Variants in MMS22L observed in about 807,000 individuals in gnomAD.
MMS22L encodes protein MMS22-like.
In MMS22L, 74 loss-of-function variants were observed where a neutral mutation model predicts 159.1. The observed-to-expected ratio is 0.47, with a 90% CI of 0.39 to 0.56. The LOEUF is 0.56. Among genes scored for constraint, MMS22L ranks in the 20% least tolerant of loss-of-function variants. The pLI is 0.00. For synonymous variants in MMS22L, 517 were observed against 506.9 expected, an observed-to-expected ratio of 1.02 and a Z score of -0.27; for missense variants, 1,351 against 1,422.1, an observed-to-expected ratio of 0.95 and a Z score of 0.80.
intron 14 of MMS22L, among the ~76,000 whole-genome samples, chr6:97,227,631 A>C (rs926212494): frequency 6.6e-6 from 1 of 152,248 alleles, no homozygotes; most frequent in African/African-American, 2.4e-5. Flanking sequence ...AAATTTGATA[A>C]TAAATAAATT....
At position 97,229,191 on chromosome 6, in the gene MMS22L, T is replaced by C. The variant is rs1198798177; in HGVS notation, c.1742A>G (p.Tyr581Cys). 6 of 1,614,010 alleles carry C rather than the reference T, an allele frequency of 3.7e-6. No homozygotes were observed. The African/African-American group carries it at 6.7e-5, about 18-fold the overall frequency. ...ACCAATGTCCAGATTTTTCTGGGCATACATCAAGAGGAAGGCCATGTGACC... is the reference window on the plus strand; with the variant it reads ...ACCAATGTCCAGATTTTTCTGGGCACACATCAAGAGGAAGGCCATGTGACC... The part of the protein sequence containing the change: ...WKGHMAFLLM[Y>C]AQKNLDIGVL... Residue 581 changes from tyrosine to cysteine, a missense_variant, in exon 14 of 25, where the codon TAT becomes TGT. By Grantham distance (194) the Tyr-to-Cys change is radical. Coordinates refer to ENST00000683635, the MANE Select transcript of MMS22L (RefSeq NM_001350599.2).
intron 15 of MMS22L, among the ~76,000 whole-genome samples, chr6:97,183,025 A>G (rs984432038): frequency 6.6e-6 from 1 of 152,092 alleles, no homozygotes; most frequent in Non-Finnish European, 1.5e-5. Flanking sequence ...TAATGAATCT[A>G]TCTTCCATTC....
intron 6 of MMS22L, chr6:97,271,552 T>A (rs1333461422): frequency 6.6e-6 from 1 of 152,244 alleles, no homozygotes; most frequent in Non-Finnish European, 1.5e-5. Flanking sequence ...TTGTTTTCTA[T>A]CGATTAGATA....
chr6:97,190,109 A>C (rs574807629), intron 14 of MMS22L, among the ~76,000 whole-genome samples: 1 of 152,222 alleles, frequency 6.6e-6, no homozygotes, highest in Non-Finnish European at 1.5e-5. Context: ...ATTAGATGTG[A>C]CCACTGCATA....
At chr6:97,283,709 A>G (rs990368043), upstream of MMS22L, 2 of 152,218 alleles carry the variant, frequency 1.3e-5, no homozygotes, top group African/African-American at 4.8e-5. Flanking sequence ...GACCTAATTG[A>G]CGTTTATAGG....
chr6:97,246,755 G>T, intron 10 of MMS22L, 65 bp from the exon 11 acceptor site: 1 of 1,155,680 alleles, frequency 8.7e-7, no homozygotes, highest in Non-Finnish European at 1.3e-6. Flanking sequence ...TTAAAATTAG[G>T]GTATAGCAAA....
rs2128228148 is a variant in MMS22L, at chr6:97,143,035, A to G, written c.*3771T>C. 1 of 152,724 alleles carries G rather than the reference A, an allele frequency of 6.5e-6. No individual in the cohort carries two copies. Among genetic ancestry groups the G allele is most frequent in the South Asian group, 2.1e-4 (1 of 4,832 alleles). The allele number at this position is 152,724 out of a possible 1,614,324, so 9.5% of individuals were successfully genotyped here. A position where few individuals can be genotyped will look rare whatever the true frequency, so the allele number is the denominator to read the frequency against. On this transcript the variant is annotated 3_prime_UTR_variant, in exon 25 of 25. Coordinates refer to ENST00000683635, the MANE Select transcript of MMS22L (RefSeq NM_001350599.2). The stretch of plus-strand genomic sequence containing the variant: ...GAACTCAATACTGAATGACTTTTCC[A>G]CAGTCCTCCATGCTTCCTTCCTTGC...
At chr6:97,233,212 G>A (rs189646305) in intron 12 of MMS22L, among the ~76,000 whole-genome samples, 3 of 151,960 alleles carry the variant, frequency 2.0e-5, no homozygotes, top group African/African-American at 2.4e-5. Context: ...TCCTATCTTC[G>A]GTCTCTCCAT....
chr6:97,247,879 G>A (rs35911072), intron 10 of MMS22L, among the ~76,000 whole-genome samples: 12,873 of 152,202 alleles, frequency 0.085, 1,026 homozygotes, highest in African/African-American at 0.21. Flanking sequence ...AAAGCATAAT[G>A]AATTCTCATG....
At chr6:97,184,602 C>T (rs1562431501) in intron 15 of MMS22L, among the ~76,000 whole-genome samples, 1 of 152,090 alleles carries the variant, frequency 6.6e-6, no homozygotes, top group African/African-American at 2.4e-5. Flanking sequence ...CTCTCTTTAT[C>T]TATTTGGTTA....
intron 23 of MMS22L, 46 bp from the exon 24 acceptor site, chr6:97,150,066 C>G: frequency 2.0e-6 from 3 of 1,533,264 alleles, no homozygotes; most frequent in Non-Finnish European, 2.7e-6. Flanking sequence ...GGGGCAATTC[C>G]TTGTGTTGGT....
chr6:97,146,173 A>G lies in MMS22L; in HGVS notation c.*633T>C, dbSNP rs929172214. On this transcript the variant is annotated 3_prime_UTR_variant, in exon 25 of 25. Coordinates refer to ENST00000683635, the MANE Select transcript of MMS22L (RefSeq NM_001350599.2). ...GGCAACTCTTGGAACCTAAATATAAACCCTGTTGGCATGTTTACACTTCTT... is the reference window on the plus strand; with the variant it reads ...GGCAACTCTTGGAACCTAAATATAAGCCCTGTTGGCATGTTTACACTTCTT... 1.3e-5 allele frequency: 2 copies of G among 151,926 alleles called. No homozygotes were observed. The highest frequency in any genetic ancestry group is 3.9e-4 in the East Asian group (2 of 5,182). The allele number at this position is 151,926 out of a possible 1,614,324, so 9.4% of individuals were successfully genotyped here.
intron 17 of MMS22L, 21 bp from the exon 18 acceptor site, chr6:97,178,606 TTGTTA>T (rs1372171772): frequency 7.6e-7 from 1 of 1,316,022 alleles, no homozygotes; most frequent in African/African-American, 1.5e-5. Flanking sequence ...AAAATAGTAT[TTGTTA>T]TATCAATTTA....
intron 14 of MMS22L, among the ~76,000 whole-genome samples, chr6:97,217,789 A>G (rs550596470): frequency 1.2e-4 from 19 of 152,010 alleles, no homozygotes; most frequent in Admixed American, 6.6e-4. Flanking sequence ...CTGTGATTCT[A>G]TTTTCTTATG....
At chr6:97,158,099 A>G (rs1358172182) in intron 22 of MMS22L, among the ~76,000 whole-genome samples, 2 of 151,976 alleles carry the variant, frequency 1.3e-5, no homozygotes, top group Non-Finnish European at 2.9e-5. Flanking sequence ...TTTTTAGTTT[A>G]TTTGTGTAGA....
rs1041568937 is a variant in MMS22L, at chr6:97,223,671, T to C, written c.2039+5223A>G. 2.0e-5 allele frequency among the ~76,000 whole-genome samples: 3 copies of C among 152,100 alleles called. No individual in the cohort carries two copies. The South Asian group carries it at 6.2e-4, about 31-fold the overall frequency. On this transcript the variant is annotated intron_variant, in intron 14 of 24. Coordinates refer to ENST00000683635, the MANE Select transcript of MMS22L (RefSeq NM_001350599.2). ...TCCTGTCCAACTCTTCTTCCCTTCT[T>C]TCTTTATTTTTAAGGTAAACAATCC...
At chr6:97,194,247 G>A (rs978047224) in intron 14 of MMS22L, among the ~76,000 whole-genome samples, 14 of 151,618 alleles carry the variant, frequency 9.2e-5, no homozygotes, top group Admixed American at 6.6e-5. Flanking sequence ...TAGTAAAGAC[G>A]GGGTTTCATC....
chr6:97,239,585 A>T (rs988136451), intron 11 of MMS22L, among the ~76,000 whole-genome samples: 2 of 152,250 alleles, frequency 1.3e-5, no homozygotes, highest in African/African-American at 4.8e-5. Flanking sequence ...CTAGCTAGAA[A>T]AAAGAATTCA....
chr6:97,237,055 A>T (rs1302489922), intron 11 of MMS22L, among the ~76,000 whole-genome samples: 1 of 152,230 alleles, frequency 6.6e-6, no homozygotes, highest in Non-Finnish European at 1.5e-5. Flanking sequence ...ATATTGTTTA[A>T]GAAACAAAGT....
Sources: gnomAD v4.1 joint callset for allele counts (sites outside exome capture counted in the v4.1 genomes callset) on GRCh38, gnomAD v4.1.1 for gene constraint, MANE v1.5 for transcripts, NCBI Gene and HGNC (gene_info 2026-07-23, HGNC 2026-07-21) for gene names.